NAALADL2: variants seen among roughly 807,000 people sequenced by gnomAD.
NAALADL2 encodes the protein N-acetylated alpha-linked acidic dipeptidase like 2, also known as inactive N-acetylated-alpha-linked acidic dipeptidase-like protein 2.
Under a neutral mutation model 87.2 loss-of-function variants are expected in NAALADL2, and 76 were observed. The observed-to-expected ratio is 0.87, with a 90% confidence interval of 0.72 to 1.05. The LOEUF is 1.05. NAALADL2 is among the 50% of genes least tolerant of loss of function. NAALADL2 has a pLI of 0.00. For missense variants in NAALADL2, 1,089 were observed against 945.8 expected, an observed-to-expected ratio of 1.15 and a Z score of -1.99; for synonymous variants, 354 against 331.0, an observed-to-expected ratio of 1.07 and a Z score of -0.75.
Position 175,740,077 on chromosome 3 carries a change from G to A in NAALADL2, c.1990+2678G>A, listed in dbSNP as rs550334632. 2.6e-5 allele frequency among the ~76,000 whole-genome samples: 4 copies of A among 152,098 alleles called. No individual in the cohort carries two copies. The South Asian group carries it at 8.3e-4, about 32-fold the overall frequency. ...CAGGCGCTCCTTCCTTTAGAAACTGGGATAAAGGTACAATTATAGGAGGAG... is the reference window on the plus strand; with the variant it reads ...CAGGCGCTCCTTCCTTTAGAAACTGAGATAAAGGTACAATTATAGGAGGAG... On this transcript the variant is annotated intron_variant, in intron 12 of 13. Coordinates refer to ENST00000454872, the MANE Select transcript of NAALADL2 (RefSeq NM_207015.3).
At chr3:175,460,787 C>G (rs10513731) in intron 6 of NAALADL2, among the ~76,000 whole-genome samples, 12,350 of 152,212 alleles carry the variant, frequency 0.081, 575 homozygotes, top group Middle Eastern at 0.14. Flanking sequence ...AGCATCCACA[C>G]TGGGACAAAA....
At chr3:175,177,525 CG>C (rs993100337) in intron 2 of NAALADL2, among the ~76,000 whole-genome samples, 2 of 151,904 alleles carry the variant, frequency 1.3e-5, no homozygotes, top group Non-Finnish European at 2.9e-5. Flanking sequence ...GGTTGGCAAA[CG>C]TAACAGTAGT....
intron 2 of NAALADL2, among the ~76,000 whole-genome samples, chr3:175,209,301 G>A (rs191335046): frequency 2.6e-5 from 4 of 152,066 alleles, no homozygotes; most frequent in African/African-American, 9.7e-5. Context: ...ATTTAGTTCA[G>A]TGCAGAGTCT....
intron 1 of NAALADL2, among the ~76,000 whole-genome samples, chr3:174,913,958 A>T (rs1734033739): frequency 6.6e-6 from 1 of 152,030 alleles, no homozygotes; most frequent in African/African-American, 2.4e-5. Flanking sequence ...AAAATTCTAG[A>T]ATTAGTTTTA....
At chr3:175,230,343 A>G (rs1042486201) in intron 2 of NAALADL2, among the ~76,000 whole-genome samples, 3 of 152,092 alleles carry the variant, frequency 2.0e-5, no homozygotes, top group Non-Finnish European at 2.9e-5. Flanking sequence ...TGCTTATCAT[A>G]AGACAATACA....
chr3:175,521,096 C>A (rs1033178222), intron 9 of NAALADL2, among the ~76,000 whole-genome samples: 5 of 150,580 alleles, frequency 3.3e-5, no homozygotes, highest in African/African-American at 1.2e-4. Context: ...ATAATATTGA[C>A]AATGCAAAAA....
At chr3:175,713,268 C>T (rs903383644) in intron 11 of NAALADL2, among the ~76,000 whole-genome samples, 1 of 151,332 alleles carries the variant, frequency 6.6e-6, no homozygotes, top group Admixed American at 6.6e-5. Context: ...AATAAGCTGA[C>T]TTTGCCAGTT....
At chr3:175,766,788 C>G (rs761673707) in intron 13 of NAALADL2, among the ~76,000 whole-genome samples, 1 of 152,076 alleles carries the variant, frequency 6.6e-6, no homozygotes, top group African/African-American at 2.4e-5. Context: ...ACTAAAGTTT[C>G]CAATTGCTGT....
intron 3 of NAALADL2, among the ~76,000 whole-genome samples, chr3:175,252,367 T>C (rs904559253): frequency 4.6e-5 from 7 of 152,182 alleles, no homozygotes; most frequent in Admixed American, 4.6e-4. Flanking sequence ...GATGTTACCA[T>C]TGTCCATTGT....
chr3:175,423,853 A>G (rs933923446), intron 5 of NAALADL2, among the ~76,000 whole-genome samples: 1 of 152,226 alleles, frequency 6.6e-6, no homozygotes, highest in Non-Finnish European at 1.5e-5. Context: ...TGACTTCCAC[A>G]ATGGTTGAAC....
At chr3:175,296,876 TCTGA>T (rs1560309654) in intron 4 of NAALADL2, among the ~76,000 whole-genome samples, 1 of 152,120 alleles carries the variant, frequency 6.6e-6, no homozygotes, top group Non-Finnish European at 1.5e-5. Flanking sequence ...TGCTTCATTT[TCTGA>T]CTGAGAGGTA....
chr3:175,497,024 C>T (rs1035468873), intron 9 of NAALADL2, among the ~76,000 whole-genome samples: 1 of 152,066 alleles, frequency 6.6e-6, no homozygotes, highest in Non-Finnish European at 1.5e-5. Context: ...CAAGATCACA[C>T]AGACTGTATT....
At chr3:174,624,194 A>G (rs1184174853) in intron 2 of NAALADL2, among the ~76,000 whole-genome samples, 1 of 149,660 alleles carries the variant, frequency 6.7e-6, no homozygotes, top group African/African-American at 2.5e-5. Context: ...CTGAAAAAAA[A>G]TGGTAGAAAA....
At chr3:174,783,227 T>G (rs896244473) in intron 3 of NAALADL2, among the ~76,000 whole-genome samples, 29 of 152,186 alleles carry the variant, frequency 1.9e-4, no homozygotes, top group Non-Finnish European at 1.5e-5. Context: ...ATAGTTTGTG[T>G]GATTTCTCAC....
chr3:175,225,944 C>A (rs1003941772), intron 2 of NAALADL2, among the ~76,000 whole-genome samples: 2 of 152,028 alleles, frequency 1.3e-5, no homozygotes, highest in Non-Finnish European at 2.9e-5. Context: ...TTTTCTGGCA[C>A]AGGTAATAGT....
chr3:175,250,976 C>T (rs1008869160), intron 3 of NAALADL2, among the ~76,000 whole-genome samples: 2 of 152,084 alleles, frequency 1.3e-5, no homozygotes, highest in African/African-American at 4.8e-5. Context: ...TTATGGCACC[C>T]ATAAAAAGAA....
chr3:175,594,076 G>C (rs1423338102), intron 10 of NAALADL2, among the ~76,000 whole-genome samples: 1 of 151,740 alleles, frequency 6.6e-6, no homozygotes, highest in Non-Finnish European at 1.5e-5. Context: ...GAGGTTTAGG[G>C]TACAGATCCT....
chr3:175,190,957 AACAG>A (rs1560140839), intron 2 of NAALADL2, among the ~76,000 whole-genome samples: 1 of 150,148 alleles, frequency 6.7e-6, no homozygotes, highest in East Asian at 1.9e-4. Context: ...CAGCCTGGGC[AACAG>A]ACAGAGGGAG....
intron 2 of NAALADL2, among the ~76,000 whole-genome samples, chr3:174,708,192 A>G (rs953642022): frequency 6.6e-6 from 1 of 151,778 alleles, no homozygotes; most frequent in South Asian, 2.1e-4. Flanking sequence ...CTACATCTCT[A>G]CCTCCCCTTA....
Sources: gnomAD v4.1 joint callset for allele counts (sites outside exome capture counted in the v4.1 genomes callset) on GRCh38, gnomAD v4.1.1 for gene constraint, MANE v1.5 for transcripts, NCBI Gene and HGNC (gene_info 2026-07-23, HGNC 2026-07-21) for gene names.